RFC2: variants seen among roughly 807,000 people sequenced by gnomAD.
RFC2 encodes A1 40 kDa subunit.
RFC2 carries 34 observed loss-of-function variants against 44.8 expected under a neutral mutation model. The observed-to-expected ratio is 0.76, with a 90% CI of 0.58 to 1.01. The LOEUF is 1.01. RFC2 is among the 50% of genes least tolerant of loss of function. RFC2 has a pLI of 0.00. For missense variants in RFC2, 400 were observed against 453.6 expected (o/e 0.88, Z 1.07); for synonymous variants, 177 against 168.9 (o/e 1.05, Z -0.37).
rs150259282 is a variant in RFC2 at position 74,244,271 on chromosome 7, A to T, written c.435-1025T>A. On this transcript the variant is annotated intron_variant, in intron 5 of 10. Coordinates refer to ENST00000055077, the MANE Select transcript of RFC2 (RefSeq NM_181471.3). The stretch of plus-strand genomic sequence containing the variant: ...CAACAGAGTGAGGCTCCACCTCAAA[A>T]AAATAAATAAATAAAAAGGCAGCAA... 3.2e-3 allele frequency among the ~76,000 whole-genome samples: 490 copies of T among 151,986 alleles called. 5 individuals are homozygous for T. The highest frequency in any genetic ancestry group is 9.9e-3 in the African/African-American group (410 of 41,466).
chr7:74,240,797 TTTC>T (rs1803294556), intron 6 of RFC2, among the ~76,000 whole-genome samples: 2 of 152,320 alleles, frequency 1.3e-5, no homozygotes, highest in East Asian at 1.9e-4. Flanking sequence ...ACCCAGTTTC[TTTC>T]TTTTTTTTTC....
At chr7:74,234,705 C>T (rs782048805) in intron 10 of RFC2, among the ~76,000 whole-genome samples, 2 of 151,960 alleles carry the variant, frequency 1.3e-5, no homozygotes, top group African/African-American at 2.4e-5. Flanking sequence ...CAATTAGGTC[C>T]CTGGAGAGCT....
At chr7:74,236,235 C>A (rs3135695) in intron 9 of RFC2, among the ~76,000 whole-genome samples, 11,919 of 144,084 alleles carry the variant, frequency 0.083, 494 homozygotes, top group East Asian at 0.11. Context: ...GGCCTTTTTG[C>A]CTTTGTTTTG....
intron 5 of RFC2, among the ~76,000 whole-genome samples, chr7:74,244,618 C>G: frequency 6.6e-6 from 1 of 151,842 alleles, no homozygotes; most frequent in East Asian, 2.0e-4. Flanking sequence ...ATCTGCCCGC[C>G]TCGGCCTCCC....
At chr7:74,236,976 A>G (rs1554718412) in intron 9 of RFC2, among the ~76,000 whole-genome samples, 2 of 151,964 alleles carry the variant, frequency 1.3e-5, no homozygotes, top group Non-Finnish European at 2.9e-5. Context: ...ATAAATAAAT[A>G]AATAAATAAA....
intron 10 of RFC2, among the ~76,000 whole-genome samples, 184 bp from the exon 11 acceptor site, chr7:74,232,400 T>C (rs907700855): frequency 4.3e-5 from 6 of 138,006 alleles, no homozygotes; most frequent in Non-Finnish European, 9.2e-5. Context: ...TATGTTTACC[T>C]AAAGTTCTAT....
intron 5 of RFC2, among the ~76,000 whole-genome samples, chr7:74,245,646 G>A (rs1254122109): frequency 2.0e-5 from 3 of 149,976 alleles, no homozygotes; most frequent in Non-Finnish European, 4.4e-5. Flanking sequence ...CCAGAAGGTG[G>A]AGCTTGCAGT....
At chr7:74,252,624 G>T in intron 1 of RFC2, 126 bp from the exon 2 acceptor site, 1 of 685,578 alleles carries the variant, frequency 1.5e-6, no homozygotes, top group Non-Finnish European at 2.7e-6. Flanking sequence ...ATGCCAAATG[G>T]TTGCAAGTTT....
intron 4 of RFC2, among the ~76,000 whole-genome samples, chr7:74,247,150 G>C (rs1290393009): frequency 6.7e-6 from 1 of 149,004 alleles, no homozygotes; most frequent in Non-Finnish European, 1.5e-5. Flanking sequence ...TCATCCTTCA[G>C]TTTTTTAACT....
chr7:74,235,537 T>C lies in RFC2; in HGVS notation c.949A>G (p.Ile317Val), dbSNP rs1554718139. ...QMAEYLKLEFIKEIGYTHMKI... is the reference protein window; with the variant it reads ...QMAEYLKLEFVKEIGYTHMKI... Reference sequence around the variant, plus strand: ...ATTTCTACATTCTCACCGACCTTGATAAACTCCAGTTTCAGGTATTCTGCC... The same window carrying C: ...ATTTCTACATTCTCACCGACCTTGACAAACTCCAGTTTCAGGTATTCTGCC... Residue 317 changes from isoleucine (I) to valine (V), a missense_variant, in exon 10 of 11, where the codon ATC (isoleucine) becomes GTC (valine). Ile to Val is a conservative substitution (Grantham distance 29). Transcript: ENST00000055077. The C allele has an allele frequency of 6.3e-7, 1 of 1,587,536 alleles. No homozygotes were observed. The highest frequency in any genetic ancestry group is 8.7e-7 in the Non-Finnish European group (1 of 1,155,804).
chr7:74,249,845 AG>A, intron 2 of RFC2, 65 bp from the exon 3 acceptor site: 1 of 1,375,170 alleles, frequency 7.3e-7, no homozygotes, highest in South Asian at 1.2e-5. Flanking sequence ...TAAAAAAGAT[AG>A]AAAAAAGAAC....
chr7:74,246,085 A>C (rs953062593), intron 5 of RFC2, among the ~76,000 whole-genome samples: 12 of 151,856 alleles, frequency 7.9e-5, no homozygotes, highest in African/African-American at 2.9e-4. Flanking sequence ...AGTCTCAGCT[A>C]CTCGGGAGGC....
rs1331846641 is a variant in RFC2 at position 74,232,253 on chromosome 7, TG to T, written c.955-38del. The T allele has an allele frequency of 1.0e-5, 11 of 1,085,914 alleles. No individual in the cohort carries two copies. The African/African-American group carries it at 1.7e-4, about 17-fold the overall frequency. The allele number at this position is 1,085,914 out of a possible 1,614,324, so 67.3% of individuals were successfully genotyped here. ...ACCAAATTCAAATCTGGTTAATAAG[TG>T]GGGGAGTTCTTTTTTAAAATCTGAA... is the stretch of plus-strand genomic sequence containing the variant. On this transcript the variant is annotated intron_variant, in intron 10 of 10. Transcript: ENST00000055077.
chr7:74,243,203 T>G lies in RFC2; in HGVS notation c.478A>C (p.Ile160Leu). 6.2e-7 allele frequency: 1 copy of G among 1,613,992 alleles called. No individual in the cohort carries two copies. Among genetic ancestry groups the G allele is most frequent in the South Asian group, 1.1e-5 (1 of 91,072 alleles). Reference protein sequence around the residue: ...AQQALRRTMEIYSKTTRFALA... With the variant: ...AQQALRRTMELYSKTTRFALA... ...GCGAAGCGAGTGGTTTTAGAGTAGATTTCCATGGTTCTCCTCAAGGCTTGC... is the reference window on the plus strand; with the variant it reads ...GCGAAGCGAGTGGTTTTAGAGTAGAGTTCCATGGTTCTCCTCAAGGCTTGC... Residue 160 changes from isoleucine to leucine, a missense_variant, in exon 6 of 11, where the codon ATC becomes CTC. Coordinates refer to ENST00000055077, the MANE Select transcript of RFC2 (RefSeq NM_181471.3).
In RFC2 at chr7:74,238,863, C is replaced by T; in HGVS notation, c.759+60G>A. 7.1e-7 allele frequency: 1 copy of T among 1,404,312 alleles called. No homozygotes were observed. The highest frequency in any genetic ancestry group is 1.0e-6 in the Non-Finnish European group (1 of 989,932). The allele number at this position is 1,404,312 out of a possible 1,614,324, so 87.0% of individuals were successfully genotyped here. A position where few individuals can be genotyped will look rare whatever the true frequency, so the allele number is the denominator to read the frequency against. On this transcript the variant is annotated intron_variant, in intron 8 of 10. Transcript: ENST00000055077. This position sits in a 1 kb window ranked among gnomAD's most constrained non-coding sequence, Gnocchi z 4.0. Reference sequence around the variant, plus strand: ...CTGCCAGCCCAGCCCTTCAGCCCCACTGGCCCCCACAGGGAAGCACGGCTT... The same window carrying T: ...CTGCCAGCCCAGCCCTTCAGCCCCATTGGCCCCCACAGGGAAGCACGGCTT...
intron 5 of RFC2, among the ~76,000 whole-genome samples, chr7:74,245,839 T>C (rs1031884067): frequency 6.6e-6 from 1 of 151,848 alleles, no homozygotes; most frequent in Non-Finnish European, 1.5e-5. Context: ...GGCGGGTAGA[T>C]CACCTGAAGT....
chr7:74,248,777 C>T lies in RFC2; in HGVS notation c.332+235G>A, dbSNP rs1325294780. 2.6e-5 allele frequency among the ~76,000 whole-genome samples: 4 copies of T among 151,964 alleles called. No individual in the cohort carries two copies. In the East Asian group the frequency reaches 7.7e-4, roughly 29 times the overall value. On this transcript the variant is annotated intron_variant, in intron 4 of 10. Transcript: ENST00000055077. ...TCGGCCTCCCAAAGTGCTGGAATTA[C>T]AGGTGTGAGCCACCATGCCTGGCTG...
chr7:74,233,562 G>A (rs1429179332), intron 10 of RFC2, among the ~76,000 whole-genome samples: 1 of 150,024 alleles, frequency 6.7e-6, no homozygotes, highest in African/African-American at 2.5e-5. Context: ...CTCATCACAT[G>A]CCTATTAGGT....
At chr7:74,250,171 A>C (rs1786843280) in intron 2 of RFC2, among the ~76,000 whole-genome samples, 1 of 151,258 alleles carries the variant, frequency 6.6e-6, no homozygotes, top group Non-Finnish European at 1.5e-5. Context: ...AAAAAAAAAC[A>C]CAAAACCTGG....
Sources: allele counts gnomAD v4.1 joint callset (sites outside exome capture counted in the v4.1 genomes callset), GRCh38; gene constraint gnomAD v4.1.1; non-coding constraint Gnocchi (gnomAD v3.1); transcripts MANE v1.5; gene names NCBI Gene and HGNC (gene_info 2026-07-23, HGNC 2026-07-21).